ABI3BP: variants seen among roughly 807,000 people sequenced by gnomAD.
The protein encoded by ABI3BP is ABI family member 3 binding protein, also known as target of Nesh-SH3.
In ABI3BP, 216 loss-of-function variants were observed where a neutral mutation model predicts 268.6. The ratio of observed to expected loss-of-function variants is 0.80; its 90% CI spans 0.72 to 0.90. The LOEUF is 0.90. Ranked by LOEUF, ABI3BP falls within the 40% of genes least tolerant of loss-of-function variation. The pLI is 0.00. For synonymous variants in ABI3BP, 730 were observed against 730.0 expected (o/e 1.00, Z 0.00); for missense variants, 2,090 against 2,182.4 (o/e 0.96, Z 0.84).
chr3:100,914,619 T>C lies in ABI3BP; in HGVS notation c.259+11683A>G, dbSNP rs114582073. Among the ~76,000 whole-genome samples the C allele has an allele frequency of 3.4e-3, 520 of 152,304 alleles. 3 individuals carry two copies. The highest frequency in any genetic ancestry group is 5.7e-3 in the Non-Finnish European group (390 of 68,024). On this transcript the variant is annotated intron_variant, in intron 2 of 67. Coordinates refer to ENST00000471714, the MANE Select transcript of ABI3BP (RefSeq NM_001375547.2). ...AACAGCAGTGAGAAGCAGCCCCTCATTGGCCCGCTATAGAGAGTGAGTGGA... is the reference window on the plus strand; with the variant it reads ...AACAGCAGTGAGAAGCAGCCCCTCACTGGCCCGCTATAGAGAGTGAGTGGA...
intron 4 of ABI3BP, 128 bp from the exon 5 acceptor site, chr3:100,886,451 T>A: frequency 1.6e-6 from 1 of 615,544 alleles, no homozygotes; most frequent in East Asian, 3.4e-5. Context: ...CTCTTCCGAT[T>A]TTTAAAAAAT....
At chr3:100,883,603 G>T (rs941956063) in intron 6 of ABI3BP, among the ~76,000 whole-genome samples, 10 of 152,052 alleles carry the variant, frequency 6.6e-5, no homozygotes, top group Non-Finnish European at 1.0e-4. Flanking sequence ...TATTACATTA[G>T]CCAACAATTT....
At chr3:100,968,541 A>G (rs932740167) in intron 1 of ABI3BP, among the ~76,000 whole-genome samples, 1 of 152,188 alleles carries the variant, frequency 6.6e-6, no homozygotes, top group Non-Finnish European at 1.5e-5. Context: ...TTTAATCCAT[A>G]GTGTGTGGTC....
intron 1 of ABI3BP, among the ~76,000 whole-genome samples, chr3:100,932,292 C>T (rs7637274): frequency 0.15 from 22,170 of 151,690 alleles, 1,693 homozygotes; most frequent in Middle Eastern, 0.2. Flanking sequence ...CATAGGCCTT[C>T]GCAAAGATTT....
At chr3:100,843,871 C>T (rs2098737841) in intron 20 of ABI3BP, 1 of 984,604 alleles carries the variant, frequency 1.0e-6, no homozygotes, top group African/African-American at 1.7e-5. Context: ...AAATTTGCTA[C>T]TCATTGCATC....
In ABI3BP at chr3:100,866,968, G is replaced by C. The variant is rs925083567; in HGVS notation, c.911-12C>G. ...GGTTTCATTCTTAGCTAAAAAGTCA[G>C]AGAACAAACAATTTATCTCACTTGC... On this transcript the variant is annotated splice_polypyrimidine_tract_variant and intron_variant, in intron 9 of 67. Transcript: ENST00000471714. The C allele has an allele frequency of 1.9e-6, 3 of 1,610,304 alleles. No individual in the cohort carries two copies. The African/African-American group carries it at 4.0e-5, about 22-fold the overall frequency.
chr3:100,921,515 T>TA (rs146034359), intron 2 of ABI3BP, among the ~76,000 whole-genome samples: 149 of 141,924 alleles, frequency 1.0e-3, no homozygotes, highest in Middle Eastern at 3.6e-3. Flanking sequence ...ATGATGTGAG[T>TA]AAAAAAAAAA....
At chr3:100,850,196 A>G in intron 16 of ABI3BP, 77 bp from the exon 17 acceptor site, 2 of 1,308,724 alleles carry the variant, frequency 1.5e-6, no homozygotes, top group East Asian at 5.0e-5. Context: ...ACATGCTTTT[A>G]GATGGTATAA....
chr3:100,787,887 G>T, intron 56 of ABI3BP, 85 bp from the exon 57 acceptor site: 1 of 966,382 alleles, frequency 1.0e-6, no homozygotes. Context: ...AGAATTGAAA[G>T]TCATTTAGGC....
Position 100,807,542 on chromosome 3 carries a change from C to T in ABI3BP, c.3682+619G>A, listed in dbSNP as rs927317797. ...TTCCCTCAATTGATATTAGAGACCA[C>T]ACCTAAAACTACAGGGGTTTTCTTT... On this transcript the variant is annotated intron_variant, in intron 50 of 67. Transcript: ENST00000471714. Among the ~76,000 whole-genome samples, 93 of 151,784 alleles carry T rather than the reference C, an allele frequency of 6.1e-4. 1 individual carries two copies. Among genetic ancestry groups the T allele is most frequent in the Non-Finnish European group, 3.8e-4 (26 of 67,928 alleles).
chr3:100,954,975 C>CTTTT (rs71299382), intron 1 of ABI3BP, among the ~76,000 whole-genome samples: 2 of 94,766 alleles, frequency 2.1e-5, no homozygotes, highest in Non-Finnish European at 2.0e-5. Flanking sequence ...TAAATTTTGT[C>CTTTT]TTTTTTTTTT....
chr3:100,806,190 T>A (rs913726245), intron 50 of ABI3BP, among the ~76,000 whole-genome samples: 1 of 152,098 alleles, frequency 6.6e-6, no homozygotes, highest in Admixed American at 6.6e-5. Context: ...CAATAAAAGT[T>A]ACATGCCAAA....
intron 2 of ABI3BP, chr3:100,912,042 G>A (rs1036798540): frequency 1.9e-5 from 14 of 745,428 alleles, no homozygotes; most frequent in Admixed American, 1.7e-4. Context: ...CATCCATTTG[G>A]GAATCAGTAA....
At chr3:100,758,870 T>C (rs1037560661) in intron 63 of ABI3BP, among the ~76,000 whole-genome samples, 10 of 152,204 alleles carry the variant, frequency 6.6e-5, no homozygotes, top group Non-Finnish European at 1.3e-4. Context: ...ACCTCCAACC[T>C]GTAGGCTTCT....
chr3:100,810,527 C>T (rs1008080240), intron 48 of ABI3BP, 50 bp from the exon 49 acceptor site: 2 of 1,298,646 alleles, frequency 1.5e-6, no homozygotes, highest in African/African-American at 1.5e-5. Context: ...CTTGACAGAC[C>T]TTGAGTACAG....
At chr3:100,810,564 A>AT (rs144286330) in intron 48 of ABI3BP, 87 bp from the exon 49 acceptor site, 1 of 890,952 alleles carries the variant, frequency 1.1e-6, no homozygotes, top group Admixed American at 2.6e-5. Flanking sequence ...TAACAAATAG[A>AT]TTTTTTTAAA....
At chr3:100,911,340 T>G (rs1431644677) in intron 2 of ABI3BP, 1 of 276,758 alleles carries the variant, frequency 3.6e-6, no homozygotes, top group Non-Finnish European at 7.0e-6. Flanking sequence ...AAAAGGTCCA[T>G]AATGCTTGAC....
chr3:100,870,433 A>T (rs1414185584), intron 9 of ABI3BP, among the ~76,000 whole-genome samples: 1 of 138,472 alleles, frequency 7.2e-6, no homozygotes, highest in East Asian at 2.0e-4. Flanking sequence ...TAACAGGTAT[A>T]AAAAAAAAAG....
chr3:100,928,824 C>T (rs1173351649), intron 1 of ABI3BP, among the ~76,000 whole-genome samples: 1 of 152,016 alleles, frequency 6.6e-6, no homozygotes, highest in Non-Finnish European at 1.5e-5. Context: ...GCTCTCTTTT[C>T]ACTGAGAACT....
Sources: allele counts gnomAD v4.1 joint callset (sites outside exome capture counted in the v4.1 genomes callset), GRCh38; gene constraint gnomAD v4.1.1; transcripts MANE v1.5; gene names NCBI Gene and HGNC (gene_info 2026-07-23, HGNC 2026-07-21).